The following FAT2 variants were observed in gnomAD, a reference collection of about 807,000 sequenced individuals.
FAT2 encodes protocadherin Fat 2.
In FAT2, 150 loss-of-function variants were observed where a neutral mutation model predicts 295.3. That is an observed-to-expected ratio of 0.51 (90% CI 0.44 to 0.58). The LOEUF is 0.58. Ranked by LOEUF, FAT2 falls within the 20% of genes least tolerant of loss-of-function variation. The pLI, the probability that FAT2 is intolerant of heterozygous loss-of-function variation, is 0.00. For synonymous variants in FAT2, 2,026 were observed against 2,150.3 expected, an observed-to-expected ratio of 0.94 and a Z score of 1.60; for missense variants, 4,868 against 5,442.7, an observed-to-expected ratio of 0.89 and a Z score of 3.32.
intron 3 of FAT2, among the ~76,000 whole-genome samples, chr5:151,559,100 G>A (rs1333417139): frequency 2.0e-5 from 3 of 152,260 alleles, no homozygotes; most frequent in Non-Finnish European, 2.9e-5. Flanking sequence ...GGGGGGCTCA[G>A]TGACAGAGCT....
chr5:151,525,508 G>C (rs1323054150), intron 18 of FAT2, among the ~76,000 whole-genome samples: 1 of 152,138 alleles, frequency 6.6e-6, no homozygotes, highest in Non-Finnish European at 1.5e-5. Flanking sequence ...ACCCACCTTT[G>C]CCACTTATTA....
intron 9 of FAT2, among the ~76,000 whole-genome samples, chr5:151,548,760 C>T (rs141868871): frequency 1.8e-3 from 269 of 152,242 alleles, no homozygotes; most frequent in African/African-American, 6.1e-3. Flanking sequence ...GGATTACAGG[C>T]GTGAGCCACC....
In FAT2 at chr5:151,567,864, T is replaced by C. The variant is rs952532584; in HGVS notation, c.1068A>G (p.Lys356=). 1 of 1,614,032 alleles carries C rather than the reference T, an allele frequency of 6.2e-7. No individual in the cohort carries two copies. Among genetic ancestry groups the C allele is most frequent in the Non-Finnish European group, 8.5e-7 (1 of 1,179,996 alleles). The part of the protein sequence containing the change: ...QIRGFHLPPS[K]LSSLKFEKAV... ...CCTTCTCGAATTTGAGGGAAGACAG[T>C]TTGGAAGGTGGTAGGTGAAAGCCCC... is the stretch of plus-strand genomic sequence containing the variant. Residue 356 remains lysine (K), a synonymous_variant, in exon 2 of 24, where the codon AAA becomes AAG. Coordinates refer to ENST00000261800, the MANE Select transcript of FAT2 (RefSeq NM_001447.3).
rs1754660508 is a variant in FAT2 at position 151,531,889 on chromosome 5, C to T, written c.9509G>A (p.Arg3170His). The T allele has an allele frequency of 1.9e-6, 3 of 1,614,142 alleles. No homozygotes were observed. Among genetic ancestry groups the T allele is most frequent in the Non-Finnish European group, 2.5e-6 (3 of 1,180,022 alleles). Residue 3170 changes from arginine to histidine, a missense_variant, in exon 14 of 24, where the codon CGC (arginine) becomes CAC (histidine). Arg to His is a conservative substitution (Grantham distance 29). Transcript: ENST00000261800. This position sits in a 1 kb window ranked among gnomAD's most constrained non-coding sequence, Gnocchi z 5.7. ...FSIDATTGVI[R>H]LEKPLQVRPQ... Reference sequence around the variant, plus strand: ...CCTGACCTGCAGCGGCTTTTCCAGGCGGATCACCCCCGTGGTGGCGTCGAT... The same window carrying T: ...CCTGACCTGCAGCGGCTTTTCCAGGTGGATCACCCCCGTGGTGGCGTCGAT...
rs752820271 is a variant in FAT2 at position 151,543,083 on chromosome 5, C to A, written c.8044G>T (p.Val2682Phe). Residue 2682 changes from valine (V) to phenylalanine (F), a missense_variant, in exon 10 of 24, where the codon GTT becomes TTT. Val to Phe is a conservative substitution (Grantham distance 50). Around this residue, in one of 5 missense-constraint regions of FAT2, gnomAD observed 3,297 missense variants for 3,669.4 expected, o/e 0.90. Coordinates refer to ENST00000261800, the MANE Select transcript of FAT2 (RefSeq NM_001447.3). ...NSLVPVRLQV[V>F]PKKVSLPKFS... ...TTCGGTAAGGATACTTTTTTAGGAA[C>A]CACCTGAAGTCGTACTGGCACCAGA... 2 of 1,614,148 alleles carry A rather than the reference C, an allele frequency of 1.2e-6. No homozygotes were observed. The highest frequency in any genetic ancestry group is 1.1e-5 in the South Asian group (1 of 91,082).
intron 1 of FAT2, among the ~76,000 whole-genome samples, chr5:151,587,801 A>G (rs954523511): frequency 6.6e-6 from 1 of 152,178 alleles, no homozygotes; most frequent in Non-Finnish European, 1.5e-5. Flanking sequence ...CTGAGTCTCT[A>G]TTCATGGTCT....
At position 151,556,369 on chromosome 5, in the gene FAT2, T is replaced by C. The variant is rs775657945; in HGVS notation, c.3608A>G (p.Glu1203Gly). The part of the protein sequence containing the change: ...LLSTAQQLDR[E>G]NKDEHILEVT... Reference sequence around the variant, plus strand: ...CTCCAGGATGTGTTCATCCTTGTTCTCTCTGTCCAGCTGCTGGGCTGTAGA... The same window carrying C: ...CTCCAGGATGTGTTCATCCTTGTTCCCTCTGTCCAGCTGCTGGGCTGTAGA... Residue 1203 changes from glutamate (E) to glycine (G), a missense_variant, in exon 4 of 24, where the codon GAG becomes GGG. Physicochemically the swap from Glu to Gly is moderately conservative, Grantham distance 98. Coordinates refer to ENST00000261800, the MANE Select transcript of FAT2 (RefSeq NM_001447.3). 2.5e-6 allele frequency: 4 copies of C among 1,613,798 alleles called. No homozygotes were observed. In the African/African-American group the frequency reaches 5.3e-5, roughly 22 times the overall value.
intron 12 of FAT2, among the ~76,000 whole-genome samples, chr5:151,537,348 GAAAAAA>G (rs1561842280): frequency 4.9e-4 from 25 of 50,568 alleles, no homozygotes; most frequent in East Asian, 2.8e-3. Context: ...GAAAAGAAAA[GAAAAAA>G]GAAGGAAGGA....
chr5:151,559,182 G>A (rs1295491650), intron 3 of FAT2, among the ~76,000 whole-genome samples: 1 of 152,258 alleles, frequency 6.6e-6, no homozygotes, highest in Non-Finnish European at 1.5e-5. Flanking sequence ...GGAGTGTGGT[G>A]TGAGGATGTG....
intron 18 of FAT2, among the ~76,000 whole-genome samples, chr5:151,524,767 C>T (rs1057471152): frequency 9.2e-5 from 14 of 152,154 alleles, no homozygotes; most frequent in South Asian, 2.1e-4. Context: ...ATACCTCAAG[C>T]CACTTCAGGC....
At chr5:151,535,170 A>G (rs1755131657) in intron 12 of FAT2, among the ~76,000 whole-genome samples, 1 of 151,908 alleles carries the variant, frequency 6.6e-6, no homozygotes, top group Admixed American at 6.5e-5. Context: ...GTGTGGTGTT[A>G]TAAGTGTATC....
rs774646019 is a variant in FAT2, at chr5:151,543,178, A to G, written c.7949T>C (p.Val2650Ala). Residue 2650 changes from valine (V) to alanine (A), a missense_variant, in exon 10 of 24, where the codon GTG becomes GCG. By Grantham distance (64) the Val-to-Ala change is moderately conservative. Coordinates refer to ENST00000261800, the MANE Select transcript of FAT2 (RefSeq NM_001447.3). ...GTCAAGGGTCTGATTTTCCAATCCC[A>G]CCAGGCTGTCTTTCACCTTGACCAC... ...TGVVKVKDSL[V>A]GLENQTLDFF... 12 of 1,614,194 alleles carry G rather than the reference A, an allele frequency of 7.4e-6. No individual in the cohort carries two copies. In the South Asian group the frequency reaches 1.3e-4, roughly 18 times the overall value.
intron 11 of FAT2, among the ~76,000 whole-genome samples, chr5:151,538,168 G>C (rs1034000604): frequency 5.3e-5 from 8 of 152,142 alleles, no homozygotes; most frequent in African/African-American, 1.4e-4. Flanking sequence ...AACATGCAAG[G>C]AAAACTGAGG....
At chr5:151,590,363 C>G (rs1759351345) in intron 1 of FAT2, among the ~76,000 whole-genome samples, 1 of 152,214 alleles carries the variant, frequency 6.6e-6, no homozygotes, top group Non-Finnish European at 1.5e-5. Context: ...TCACTGCTCC[C>G]CATGCTGGGG....
chr5:151,549,260 G>T (rs775443751), intron 9 of FAT2, 35 bp downstream of exon 9: 1 of 1,595,128 alleles, frequency 6.3e-7, no homozygotes, highest in East Asian at 2.2e-5. Context: ...AAAGCATCTT[G>T]ACCCATCCTC....
At chr5:151,560,749 A>G (rs1001918944) in intron 3 of FAT2, among the ~76,000 whole-genome samples, 3 of 152,252 alleles carry the variant, frequency 2.0e-5, no homozygotes, top group Non-Finnish European at 4.4e-5. Context: ...ATTTATCTTC[A>G]TATAACTCCA....
At chr5:151,515,053 G>A (rs528769510) in intron 20 of FAT2, among the ~76,000 whole-genome samples, 8 of 151,744 alleles carry the variant, frequency 5.3e-5, no homozygotes, top group South Asian at 2.1e-4. Context: ...TCCCTTTTCC[G>A]CAAAATTTCA....
At position 151,550,778 on chromosome 5, in the gene FAT2, C is replaced by A. The variant is rs1395830646; in HGVS notation, c.4390G>T (p.Gly1464Trp). ...EVRVPQDTVP[G>W]VELLRVQAID... is the part of the protein sequence containing the mutation. ...GCCTGGACTCGCAGGAGCTCTACCC[C>A]TGGCACGGTGTCCTGGGGAACTCTG... is the stretch of plus-strand genomic sequence containing the variant. The change falls in exon 8 of 24, where the codon GGG becomes TGG. Residue 1464 changes from glycine (G) to tryptophan (W), a missense_variant. Transcript: ENST00000261800. 6.2e-7 allele frequency: 1 copy of A among 1,614,100 alleles called. No individual in the cohort carries two copies. The highest frequency in any genetic ancestry group is 1.7e-5 in the Admixed American group (1 of 60,014).
rs367860988 is a variant in FAT2 at position 151,566,465 on chromosome 5, C to T, written c.2467G>A (p.Gly823Ser). The change falls in exon 2 of 24, where the codon GGT becomes AGT. Residue 823 changes from glycine (G) to serine (S), a missense_variant. By Grantham distance (56) the Gly-to-Ser change is moderately conservative. Coordinates refer to ENST00000261800, the MANE Select transcript of FAT2 (RefSeq NM_001447.3). ...TCCGAGATGGTTAACTGGTACCCAC[C>T]GGGAGGAAATCTGGGTGCGTTGTCA... ...WNDNAPRFPP[G>S]GYQLTISEDT... is the part of the protein sequence containing the mutation. 76 of 1,613,352 alleles carry T rather than the reference C, an allele frequency of 4.7e-5. No individual in the cohort carries two copies. Among genetic ancestry groups the T allele is most frequent in the African/African-American group, 1.2e-4 (9 of 74,974 alleles).
Sources: gnomAD v4.1 joint callset for allele counts (sites outside exome capture counted in the v4.1 genomes callset) on GRCh38, gnomAD v4.1.1 for gene constraint, gnomAD v4.1.1 regional missense constraint, Gnocchi (gnomAD v3.1) non-coding constraint, MANE v1.5 for transcripts, NCBI Gene and HGNC (gene_info 2026-07-23, HGNC 2026-07-21) for gene names.